The following PRKCE variants were observed in gnomAD, a reference collection of about 807,000 sequenced individuals.
PRKCE encodes protein kinase C epsilon.
A neutral mutation model predicts 85.4 loss-of-function variants in PRKCE; 16 were observed. The observed-to-expected ratio is 0.19, with a 90% CI of 0.13 to 0.28. The LOEUF (loss-of-function observed/expected upper bound fraction) is 0.28. Ranked by LOEUF, PRKCE falls within the 10% of genes least tolerant of loss-of-function variation. The probability of loss-of-function intolerance (pLI) is 1.00; values close to 1 mark genes in which losing one functional copy is unlikely to be tolerated. For synonymous variants in PRKCE, 388 were observed against 371.5 expected, an observed-to-expected ratio of 1.04 and a Z score of -0.51; for missense variants, 573 against 975.2, an observed-to-expected ratio of 0.59 and a Z score of 5.49.
chr2:45,694,458 C>G (rs946734579), intron 1 of PRKCE, among the ~76,000 whole-genome samples: 3 of 152,190 alleles, frequency 2.0e-5, no homozygotes, highest in African/African-American at 7.2e-5. Flanking sequence ...AGGTTTCACT[C>G]CAGGCCTTCC....
intron 2 of PRKCE, among the ~76,000 whole-genome samples, chr2:45,916,815 G>A (rs946525595): frequency 6.6e-6 from 1 of 152,114 alleles, no homozygotes; most frequent in Non-Finnish European, 1.5e-5. Context: ...GGACCCTCAC[G>A]CTGAGTGTTA....
chr2:46,178,017 TGGGAGGC>T (rs1679592552), intron 14 of PRKCE, among the ~76,000 whole-genome samples: 5 of 152,116 alleles, frequency 3.3e-5, no homozygotes, highest in Non-Finnish European at 5.9e-5. Flanking sequence ...CCCAGCACTT[TGGGAGGC>T]TGAGGCAGGT....
chr2:45,953,049 T>A (rs6724611), intron 2 of PRKCE, among the ~76,000 whole-genome samples: 22,692 of 152,108 alleles, frequency 0.15, 2,854 homozygotes, highest in East Asian at 0.49. Context: ...ATGAAATGCT[T>A]AAATAATAGT....
At chr2:45,909,369 A>G (rs1461250235) in intron 2 of PRKCE, among the ~76,000 whole-genome samples, 1 of 152,160 alleles carries the variant, frequency 6.6e-6, no homozygotes, top group Non-Finnish European at 1.5e-5. Flanking sequence ...TAGAGCTGAT[A>G]TTAACAATTC....
Position 46,004,467 on chromosome 2 carries a change from C to A in PRKCE, c.967-75C>A. 1 of 1,220,140 alleles carries A rather than the reference C, an allele frequency of 8.2e-7. No individual in the cohort carries two copies. The highest frequency in any genetic ancestry group is 1.2e-6 in the Non-Finnish European group (1 of 859,524). The allele number at this position is 1,220,140 out of a possible 1,614,324, so 75.6% of individuals were successfully genotyped here. On this transcript the variant is annotated intron_variant, in intron 7 of 14. Coordinates refer to ENST00000306156, the MANE Select transcript of PRKCE (RefSeq NM_005400.3). This position sits in a 1 kb window ranked among gnomAD's most constrained non-coding sequence, Gnocchi z 4.1. ...AACTCTCATGGCTCTTATACGGCAT[C>A]TTGATGCTTTTGACATCAGAAAACT...
intron 10 of PRKCE, among the ~76,000 whole-genome samples, chr2:46,029,756 C>T (rs1236094596): frequency 6.6e-6 from 1 of 151,190 alleles, no homozygotes; most frequent in African/African-American, 2.4e-5. Context: ...TAAACAACTA[C>T]ATCATCCTGT....
In PRKCE at chr2:45,697,761, T is replaced by C. The variant is rs1466057478; in HGVS notation, c.348+45313T>C. 1.3e-5 allele frequency among the ~76,000 whole-genome samples: 2 copies of C among 152,332 alleles called. No homozygotes were observed. Among genetic ancestry groups the C allele is most frequent in the Non-Finnish European group, 2.9e-5 (2 of 68,036 alleles). The stretch of plus-strand genomic sequence containing the variant: ...TACTTTGAGGTTCCCATTTCCAGAC[T>C]GAAAGGACAGACTACCTCTGCTGAC... On this transcript the variant is annotated intron_variant, in intron 1 of 14. Transcript: ENST00000306156. The surrounding 1 kb of genome is among the most constrained non-coding windows in gnomAD (Gnocchi z 4.2).
chr2:46,141,116 T>A, intron 11 of PRKCE, among the ~76,000 whole-genome samples: 1 of 152,022 alleles, frequency 6.6e-6, no homozygotes, highest in Non-Finnish European at 1.5e-5. Context: ...TTGTAGTACC[T>A]GATTCAGAAA....
chr2:45,910,046 C>CG (rs929395343), intron 2 of PRKCE, among the ~76,000 whole-genome samples: 2 of 151,790 alleles, frequency 1.3e-5, no homozygotes, highest in South Asian at 2.1e-4. Context: ...ACTCACCGCC[C>CG]CCCCCCAGCC....
intron 2 of PRKCE, among the ~76,000 whole-genome samples, chr2:45,876,590 CT>C (rs1216842068): frequency 6.6e-6 from 1 of 152,248 alleles, no homozygotes; most frequent in East Asian, 1.9e-4. Context: ...ACCCTGCAGG[CT>C]TGATTTGGGC....
chr2:45,984,785 C>T, intron 6 of PRKCE, 105 bp downstream of exon 6: 2 of 1,481,878 alleles, frequency 1.3e-6, no homozygotes, highest in African/African-American at 1.4e-5. Context: ...CAGATTTGGC[C>T]AAGAACTGAG....
In PRKCE at chr2:46,135,058, C is replaced by T. The variant is rs3768739; in HGVS notation, c.1593-10035C>T. On this transcript the variant is annotated intron_variant, in intron 11 of 14. Transcript: ENST00000306156. ...TGTTTATTATTATTTTTTCTATTGG[C>T]GGGATCAACCAGGTACCAGGCTATT... Among the ~76,000 whole-genome samples the T allele has an allele frequency of 4.7e-4, 72 of 152,204 alleles. No homozygotes were observed. The East Asian group carries it at 0.014, about 29-fold the overall frequency.
chr2:45,653,370 G>GTTTTTTTTTTTTTTTTTTTTTTTTTT (rs34888247), intron 1 of PRKCE, among the ~76,000 whole-genome samples: 4 of 61,482 alleles, frequency 6.5e-5, no homozygotes, highest in Non-Finnish European at 8.9e-5. Context: ...TTTTTGGGTT[G>GTTTTTTTTTTTTTTTTTTTTTTTTTT]TTTTTTTTTT....
intron 10 of PRKCE, among the ~76,000 whole-genome samples, chr2:46,022,447 G>A (rs556736319): frequency 6.6e-6 from 1 of 152,260 alleles, no homozygotes; most frequent in East Asian, 1.9e-4. Context: ...CTGTTTAGTG[G>A]TCTAGTGGTG....
intron 1 of PRKCE, among the ~76,000 whole-genome samples, chr2:45,666,037 T>C (rs1240544361): frequency 6.6e-6 from 1 of 152,134 alleles, no homozygotes. Flanking sequence ...CGTTTGAAGT[T>C]TATTCCCTGC....
chr2:45,871,163 C>T (rs1195990416), intron 2 of PRKCE, among the ~76,000 whole-genome samples: 1 of 152,214 alleles, frequency 6.6e-6, no homozygotes, highest in Non-Finnish European at 1.5e-5. Context: ...CATCTGTTAA[C>T]CACAGAGATG....
intron 1 of PRKCE, among the ~76,000 whole-genome samples, chr2:45,828,466 A>G (rs1306239654): frequency 6.6e-6 from 1 of 152,256 alleles, no homozygotes; most frequent in African/African-American, 2.4e-5. Context: ...ACTGTATCCA[A>G]CTAAGAAATA....
At chr2:45,662,544 G>T (rs1675718711) in intron 1 of PRKCE, among the ~76,000 whole-genome samples, 1 of 152,056 alleles carries the variant, frequency 6.6e-6, no homozygotes, top group Non-Finnish European at 1.5e-5. Context: ...GCTCTGTAAA[G>T]GCACCTGTTA....
chr2:45,960,927 T>C (rs140428279), intron 2 of PRKCE, among the ~76,000 whole-genome samples: 3 of 152,306 alleles, frequency 2.0e-5, no homozygotes, highest in Non-Finnish European at 2.9e-5. Context: ...GTTGAACTTA[T>C]AATGGCCCTC....
Sources: gnomAD v4.1 joint callset for allele counts (sites outside exome capture counted in the v4.1 genomes callset) on GRCh38, gnomAD v4.1.1 for gene constraint, Gnocchi (gnomAD v3.1) non-coding constraint, MANE v1.5 for transcripts, NCBI Gene and HGNC (gene_info 2026-07-23, HGNC 2026-07-21) for gene names.